The following AZU1 variants were observed in gnomAD, a reference collection of about 807,000 sequenced individuals.
AZU1 encodes the protein azurocidin 1, also known as azurocidin.
AZU1 carries 21 observed loss-of-function variants against 17.8 expected under a neutral mutation model. The observed-to-expected ratio is 1.18, with a 90% CI of 0.84 to 1.70. The LOEUF is 1.70. Among genes scored for constraint, AZU1 ranks in the 40% most tolerant of loss-of-function variants. The pLI is 0.00. For synonymous variants in AZU1, 178 were observed against 155.2 expected, an observed-to-expected ratio of 1.15 and a Z score of -1.09; for missense variants, 379 against 362.9, an observed-to-expected ratio of 1.04 and a Z score of -0.36.
In AZU1 at chr19:828,249, C is replaced by G. The variant is rs771879307; in HGVS notation, c.78C>G (p.Asp26Glu). 6.2e-7 allele frequency: 1 copy of G among 1,607,288 alleles called. No homozygotes were observed. The highest frequency in any genetic ancestry group is 1.3e-5 in the African/African-American group (1 of 74,728). The change falls in exon 2 of 5, where the codon GAC becomes GAG. Residue 26 changes from aspartate to glutamate, a missense_variant. Asp to Glu is a conservative substitution (Grantham distance 45). Coordinates refer to ENST00000233997, the MANE Select transcript of AZU1 (RefSeq NM_001700.5). ...SSRAGSSPLL[D>E]IVGGRKARPR... is the part of the protein sequence containing the mutation. ...ACCCAGGCTCCAGCCCCCTTTTGGA[C>G]ATCGTTGGCGGCCGGAAGGCGAGGC...
At chr19:828,135 C>G in intron 1 of AZU1, 95 bp from the exon 2 acceptor site, 2 of 1,440,632 alleles carry the variant, frequency 1.4e-6, no homozygotes, top group Non-Finnish European at 1.9e-6. Flanking sequence ...CCCGCAGCCC[C>G]ACTGGGTGGA....
chr19:829,520 A>T, intron 2 of AZU1, 42 bp from the exon 3 acceptor site: 1 of 1,602,946 alleles, frequency 6.2e-7, no homozygotes, highest in Non-Finnish European at 8.5e-7. Context: ...CCCAGGCCCC[A>T]GCCTGGTGTC....
intron 1 of AZU1, 98 bp from the exon 2 acceptor site, chr19:828,132 C>T: frequency 1.4e-6 from 2 of 1,410,624 alleles, no homozygotes; most frequent in East Asian, 2.3e-5. Flanking sequence ...CCCCCCGCAG[C>T]CCCACTGGGT....
chr19:831,840 A>T lies in AZU1; in HGVS notation c.719A>T (p.Asp240Val). Residue 240 changes from aspartate (D) to valine (V), a missense_variant, in exon 5 of 5, where the codon GAT becomes GTT. Coordinates refer to ENST00000233997, the MANE Select transcript of AZU1 (RefSeq NM_001700.5). The stretch of plus-strand genomic sequence containing the variant: ...GTGGCGCTCTTCCGAGACTGGATCG[A>T]TGGTGTTCTCAACAACCCGGGACCG... The part of the protein sequence containing the change: ...TRVALFRDWI[D>V]GVLNNPGPGP... 1 of 1,612,618 alleles carries T rather than the reference A, an allele frequency of 6.2e-7. No individual in the cohort carries two copies.
intron 4 of AZU1, 178 bp from the exon 5 acceptor site, chr19:831,538 C>G: frequency 1.4e-6 from 1 of 721,588 alleles, no homozygotes; most frequent in Non-Finnish European, 2.1e-6. Context: ...CTCCAGAAAG[C>G]AACTGATCCC....
In AZU1 at chr19:830,701, T is replaced by C; in HGVS notation, c.361-7T>C. 6.5e-7 allele frequency: 1 copy of C among 1,550,196 alleles called. No homozygotes were observed. The highest frequency in any genetic ancestry group is 2.3e-5 in the East Asian group (1 of 44,386). On this transcript the variant is annotated splice_polypyrimidine_tract_variant and splice_region_variant and intron_variant, in intron 3 of 4. Transcript: ENST00000233997. Reference sequence around the variant, plus strand: ...CCACCCTCCCCTGACTCCATTTCCTTCCCCAGCTGGACCGTGAGGCCAACC... The same window carrying C: ...CCACCCTCCCCTGACTCCATTTCCTCCCCCAGCTGGACCGTGAGGCCAACC...
intron 2 of AZU1, 67 bp downstream of exon 2, chr19:828,453 G>T: frequency 7.1e-7 from 1 of 1,412,800 alleles, no homozygotes; most frequent in Middle Eastern, 2.3e-4. Flanking sequence ...GGGGGCTTAG[G>T]CATTCAGTGG....
In AZU1 at chr19:829,640, C is replaced by T; in HGVS notation, c.294C>T (p.Ser98=). 2 of 1,613,470 alleles carry T rather than the reference C, an allele frequency of 1.2e-6. No homozygotes were observed. Among genetic ancestry groups the T allele is most frequent in the East Asian group, 2.2e-5 (1 of 44,876 alleles). The change falls in exon 3 of 5, where the codon TCC becomes TCT. Residue 98 remains serine, a synonymous_variant. Transcript: ENST00000233997. The part of the protein sequence containing the change: ...RRERQSRQTF[S]ISSMSENGYD... ...AGAGGCAGTCCCGCCAGACGTTTTCCATCAGCAGCATGAGCGAGAATGGCT... is the reference window on the plus strand; with the variant it reads ...AGAGGCAGTCCCGCCAGACGTTTTCTATCAGCAGCATGAGCGAGAATGGCT...
At chr19:830,976 A>G (rs1229999946) in intron 4 of AZU1, 35 bp downstream of exon 4, 2 of 1,582,028 alleles carry the variant, frequency 1.3e-6, no homozygotes, top group East Asian at 4.5e-5. Context: ...AGGGGTCCTG[A>G]GAGGTACTGA....
rs768032177 is a variant in AZU1, at chr19:829,528, G to A, written c.216-34G>A. On this transcript the variant is annotated intron_variant, in intron 2 of 4. Transcript: ENST00000233997. ...CTCTGTGCCCAGGCCCCAGCCTGGT[G>A]TCCTCCCTCTGCCCTTTCCTCCGCT... 1.4e-5 allele frequency: 23 copies of A among 1,606,114 alleles called. No homozygotes were observed. In the Middle Eastern group the frequency reaches 6.6e-4, roughly 46 times the overall value.
intron 3 of AZU1, among the ~76,000 whole-genome samples, chr19:830,440 T>C (rs1046750877): frequency 3.9e-5 from 6 of 152,186 alleles, no homozygotes; most frequent in Non-Finnish European, 8.8e-5. Context: ...CTCAAAAATA[T>C]CATTAAAAAA....
At chr19:830,420 A>T (rs571144836) in intron 3 of AZU1, among the ~76,000 whole-genome samples, 1 of 152,304 alleles carries the variant, frequency 6.6e-6, no homozygotes, top group South Asian at 2.1e-4. Flanking sequence ...TGAGAAAATG[A>T]TAAAATTATC....
intron 3 of AZU1, 100 bp downstream of exon 3, chr19:829,806 TAGCCGGG>T (rs1483552391): frequency 3.5e-6 from 5 of 1,445,122 alleles, no homozygotes; most frequent in Non-Finnish European, 4.6e-6. Context: ...ATACAAAAAT[TAGCCGGG>T]AGTGGTGGCG....
At chr19:831,041 C>A in intron 4 of AZU1, 100 bp downstream of exon 4, 1 of 1,205,446 alleles carries the variant, frequency 8.3e-7, no homozygotes, top group Non-Finnish European at 1.2e-6. Context: ...AGCAGGGGGG[C>A]CCCAGGATTG....
chr19:829,782 G>C, intron 3 of AZU1, 76 bp downstream of exon 3: 1 of 1,550,268 alleles, frequency 6.5e-7, no homozygotes, highest in South Asian at 1.2e-5. Context: ...TCCAAACTTG[G>C]TCTCTACAAA....
In AZU1 at chr19:831,756, AC is replaced by A. The variant is rs2035290693; in HGVS notation, c.636del (p.His212GlnfsTer?). On this transcript the variant is annotated frameshift_variant, in exon 5 of 5. Coordinates refer to ENST00000233997, the MANE Select transcript of AZU1 (RefSeq NM_001700.5). LOFTEE classifies it low-confidence loss of function (END_TRUNC). ...GTPLVCEGLA[H>X]GVASFSLGPC... ...CCCCTCGTCTGCGAGGGCCTGGCCCACGGCGTGGCCTCCTTTTCCCTGGGGC... is the reference window on the plus strand; with the variant it reads ...CCCCTCGTCTGCGAGGGCCTGGCCCAGGCGTGGCCTCCTTTTCCCTGGGGC... 2 of 1,612,086 alleles carry A rather than the reference AC, an allele frequency of 1.2e-6. No individual in the cohort carries two copies. Among genetic ancestry groups the A allele is most frequent in the Admixed American group, 1.7e-5 (1 of 59,930 alleles).
rs1310663032 is a variant in AZU1, at chr19:831,100, CAG to C, written c.594+162_594+163del. ...AGTATCTTTTTTTTTTTTTTTGAGA[CAG>C]AGTCTCGCTCTGTCGCCCAGGCTGG... is the stretch of plus-strand genomic sequence containing the variant. On this transcript the variant is annotated intron_variant, in intron 4 of 4. Transcript: ENST00000233997. 6.1e-6 allele frequency: 4 copies of C among 660,812 alleles called. No individual in the cohort carries two copies. In the East Asian group the frequency reaches 8.4e-5, roughly 14 times the overall value. The allele number at this position is 660,812 out of a possible 1,614,324, so 40.9% of individuals were successfully genotyped here.
At chr19:831,331 G>A in intron 4 of AZU1, 1 of 318,728 alleles carries the variant, frequency 3.1e-6, no homozygotes, top group Admixed American at 4.7e-5. Context: ...ACCCACCTTG[G>A]CCTCCCAAAG....
chr19:829,589 G>A lies in AZU1; in HGVS notation c.243G>A (p.Leu81=), dbSNP rs747528898. The part of the protein sequence containing the change: ...SQNPGVSTVV[L]GAYDLRRRER... ...ACCCCGGGGTTAGCACCGTGGTGCT[G>A]GGTGCCTATGACCTGAGGCGGCGGG... The change falls in exon 3 of 5, where the codon CTG becomes CTA. Residue 81 remains leucine (L), a synonymous_variant. Transcript: ENST00000233997. 2.7e-5 allele frequency: 44 copies of A among 1,613,124 alleles called. No homozygotes were observed. The highest frequency in any genetic ancestry group is 3.6e-5 in the Non-Finnish European group (43 of 1,179,964).
Sources: gnomAD v4.1 joint callset for allele counts (sites outside exome capture counted in the v4.1 genomes callset) on GRCh38, gnomAD v4.1.1 for gene constraint, MANE v1.5 for transcripts, NCBI Gene and HGNC (gene_info 2026-07-23, HGNC 2026-07-21) for gene names.